The following FAM3D variants were observed in gnomAD, a reference collection of about 807,000 sequenced individuals.
FAM3D encodes protein FAM3D.
A neutral mutation model predicts 29.8 loss-of-function variants in FAM3D; 26 were observed. The ratio of observed to expected loss-of-function variants is 0.87; its 90% CI spans 0.64 to 1.21. The LOEUF (loss-of-function observed/expected upper bound fraction) is 1.21. Among genes scored for constraint, FAM3D ranks in the 50% most tolerant of loss-of-function variants. FAM3D has a pLI of 0.00. For missense variants in FAM3D, 253 were observed against 290.9 expected (o/e 0.87, Z 0.95); for synonymous variants, 115 against 102.3 (o/e 1.12, Z -0.75).
At chr3:58,664,168 G>A (rs540980208) in intron 1 of FAM3D, among the ~76,000 whole-genome samples, 78 of 152,296 alleles carry the variant, frequency 5.1e-4, no homozygotes, top group African/African-American at 1.8e-3. Flanking sequence ...GCAAAATGGG[G>A]ATGATAAGAC....
intron 4 of FAM3D, among the ~76,000 whole-genome samples, chr3:58,647,815 G>A (rs2106827003): frequency 6.6e-6 from 1 of 152,364 alleles, no homozygotes. Flanking sequence ...TGGAACTGGT[G>A]TGCTACCAAG....
chr3:58,643,788 C>T (rs2066401986), intron 5 of FAM3D, 68 bp from the exon 6 acceptor site: 1 of 1,471,022 alleles, frequency 6.8e-7, no homozygotes, highest in Non-Finnish European at 9.5e-7. Context: ...GCTCTCCCAG[C>T]TGGGGAACTC....
chr3:58,643,741 A>G (rs1365348517), intron 5 of FAM3D, 21 bp from the exon 6 acceptor site: 1 of 1,613,346 alleles, frequency 6.2e-7, no homozygotes, highest in South Asian at 1.1e-5. Context: ...TGAAGAAGAA[A>G]TATGACAGTC....
chr3:58,654,769 C>T (rs185639245), intron 2 of FAM3D, among the ~76,000 whole-genome samples: 7 of 152,084 alleles, frequency 4.6e-5, no homozygotes, highest in East Asian at 1.9e-4. Context: ...GGAGAAGGCC[C>T]GCCGGGTCCT....
chr3:58,649,156 C>T (rs1276887282), intron 4 of FAM3D, among the ~76,000 whole-genome samples, 159 bp downstream of exon 4: 1 of 152,164 alleles, frequency 6.6e-6, no homozygotes, highest in African/African-American at 2.4e-5. Flanking sequence ...CACCATTGGG[C>T]CATGGGAGGA....
rs571504256 is a variant in FAM3D at position 58,635,882 on chromosome 3, C to T, written c.585+412G>A. On this transcript the variant is annotated intron_variant, in intron 9 of 9. Transcript: ENST00000358781. The surrounding 1 kb of genome is among the most constrained non-coding windows in gnomAD (Gnocchi z 5.2). ...GCCTCCTCCCTGCCTTCTGACTTCC[C>T]TCCTCGTTTTCTCCATGCCTCGCCA... 5.9e-5 allele frequency among the ~76,000 whole-genome samples: 9 copies of T among 152,300 alleles called. No individual in the cohort carries two copies. In the South Asian group the frequency reaches 1.9e-3, roughly 32 times the overall value.
chr3:58,659,939 A>G (rs1437451873), intron 1 of FAM3D, among the ~76,000 whole-genome samples: 2 of 152,194 alleles, frequency 1.3e-5, no homozygotes, highest in African/African-American at 2.4e-5. Context: ...CTGCAGACAG[A>G]GTGTGGTCAC....
intron 3 of FAM3D, 198 bp from the exon 4 acceptor site, chr3:58,649,536 T>C (rs2106844272): frequency 3.2e-6 from 2 of 622,198 alleles, no homozygotes; most frequent in East Asian, 2.8e-5. Flanking sequence ...CAGATACACA[T>C]GTGTACACAC....
rs2066285501 is a variant in FAM3D, at chr3:58,640,110, T to A, written c.373+17A>T. 6 of 1,613,914 alleles carry A rather than the reference T, an allele frequency of 3.7e-6. No individual in the cohort carries two copies. The highest frequency in any genetic ancestry group is 5.1e-6 in the Non-Finnish European group (6 of 1,179,944). ...CGCACCCCCGACTGTGACTTCAGTG[T>A]CAGCAGAGGCACCTACCTCCAGAGT... On this transcript the variant is annotated intron_variant, in intron 7 of 9. Coordinates refer to ENST00000358781, the MANE Select transcript of FAM3D (RefSeq NM_138805.3).
intron 1 of FAM3D, among the ~76,000 whole-genome samples, chr3:58,657,350 G>A (rs925837942): frequency 6.6e-6 from 1 of 151,682 alleles, no homozygotes; most frequent in African/African-American, 2.4e-5. Context: ...AGAGTTGAAG[G>A]GGGAGACGGA....
chr3:58,663,393 A>G (rs534778465), intron 1 of FAM3D, among the ~76,000 whole-genome samples: 1 of 152,248 alleles, frequency 6.6e-6, no homozygotes, highest in South Asian at 2.1e-4. Context: ...GTGTCATGTG[A>G]GCCCCCAGAT....
intron 1 of FAM3D, among the ~76,000 whole-genome samples, chr3:58,662,463 G>A (rs972650802): frequency 2.6e-5 from 4 of 152,316 alleles, no homozygotes; most frequent in African/African-American, 9.6e-5. Context: ...GGTATTATTA[G>A]TATTCTGCCA....
chr3:58,640,427 G>A (rs2066295257), intron 6 of FAM3D, among the ~76,000 whole-genome samples: 1 of 152,140 alleles, frequency 6.6e-6, no homozygotes, highest in Admixed American at 6.5e-5. Flanking sequence ...CTGAGTCGGT[G>A]TTCTGTCCTA....
intron 3 of FAM3D, among the ~76,000 whole-genome samples, chr3:58,651,820 T>C (rs1303331376): frequency 1.7e-5 from 2 of 117,138 alleles, no homozygotes; most frequent in African/African-American, 6.8e-5. Context: ...AAAGCAGCGA[T>C]CCTGGGTGGG....
At chr3:58,643,618 C>T in intron 6 of FAM3D, 44 bp downstream of exon 6, 1 of 1,602,090 alleles carries the variant, frequency 6.2e-7, no homozygotes, top group Non-Finnish European at 8.5e-7. Flanking sequence ...CCTACCCTCC[C>T]TGGTTCTGGG....
rs1188739780 is a variant in FAM3D at position 58,634,406 on chromosome 3, T to A, written c.586-38A>T. ...AAGACAGAGAAATATAGGCAGTGAG[T>A]GAGGCTGTTCAGAACTCATGCCCAC... On this transcript the variant is annotated intron_variant, in intron 9 of 9. Coordinates refer to ENST00000358781, the MANE Select transcript of FAM3D (RefSeq NM_138805.3). This position sits in a 1 kb window ranked among gnomAD's most constrained non-coding sequence, Gnocchi z 4.6. The A allele has an allele frequency of 6.3e-7, 1 of 1,590,422 alleles. No homozygotes were observed. Among genetic ancestry groups the A allele is most frequent in the Non-Finnish European group, 8.6e-7 (1 of 1,161,288 alleles).
chr3:58,643,609 C>G, intron 6 of FAM3D, 53 bp downstream of exon 6: 1 of 1,569,864 alleles, frequency 6.4e-7, no homozygotes, highest in Non-Finnish European at 8.8e-7. Flanking sequence ...CCGCTACCCC[C>G]TACCCTCCCT....
intron 4 of FAM3D, among the ~76,000 whole-genome samples, chr3:58,645,993 G>T (rs1030347757): frequency 3.9e-5 from 6 of 152,204 alleles, no homozygotes; most frequent in Non-Finnish European, 7.3e-5. Context: ...GTCCCCAGAG[G>T]CCCCTGTTGA....
intron 1 of FAM3D, 48 bp from the exon 2 acceptor site, chr3:58,655,649 G>T: frequency 6.6e-7 from 1 of 1,507,406 alleles, no homozygotes; most frequent in African/African-American, 1.4e-5. Flanking sequence ...AGGTCTGCAA[G>T]TGATCAAGCC....
Sources: allele counts gnomAD v4.1 joint callset (sites outside exome capture counted in the v4.1 genomes callset), GRCh38; gene constraint gnomAD v4.1.1; non-coding constraint Gnocchi (gnomAD v3.1); transcripts MANE v1.5; gene names NCBI Gene and HGNC (gene_info 2026-07-23, HGNC 2026-07-21).